Variants in DHRS9 observed in about 807,000 individuals in gnomAD.
DHRS9 encodes dehydrogenase/reductase SDR family member 9.
In DHRS9, 18 loss-of-function variants were observed where a neutral mutation model predicts 26.6. That is an observed-to-expected ratio of 0.68 (90% confidence interval 0.47 to 1.00). DHRS9 has a LOEUF of 1.00. Among genes scored for constraint, DHRS9 ranks in the 50% least tolerant of loss-of-function variants. The pLI, the probability that DHRS9 is intolerant of heterozygous loss-of-function variation, is 0.00. For synonymous variants in DHRS9, 134 were observed against 141.1 expected (o/e 0.95, Z 0.36); for missense variants, 425 against 378.7 (o/e 1.12, Z -1.01).
At chr2:169,093,857 G>C (rs6724801) in intron 4 of DHRS9, among the ~76,000 whole-genome samples, 2,807 of 152,264 alleles carry the variant, frequency 0.018, 84 homozygotes, top group African/African-American at 0.064. Flanking sequence ...AGACTTATTA[G>C]GTTCTTTGAA....
chr2:169,084,489 T>A (rs1244155137), intron 3 of DHRS9, among the ~76,000 whole-genome samples: 2 of 152,292 alleles, frequency 1.3e-5, no homozygotes, highest in South Asian at 4.1e-4. Flanking sequence ...TCTCACATCA[T>A]CATCAGCATT....
At chr2:169,067,274 G>A (rs1336365382), upstream of DHRS9, 1 of 1,535,140 alleles carries the variant, frequency 6.5e-7, no homozygotes, top group Admixed American at 2.0e-5. Context: ...TGGAGTAAGT[G>A]CTTTCCTCCA....
intron 1 of DHRS9, among the ~76,000 whole-genome samples, chr2:169,073,865 C>T (rs1317449535): frequency 6.6e-6 from 1 of 152,010 alleles, no homozygotes; most frequent in Non-Finnish European, 1.5e-5. Context: ...TTCTGGACTC[C>T]CAACACTAGG....
chr2:169,092,033 T>C (rs942552303), intron 4 of DHRS9, 80 bp downstream of exon 4: 3 of 1,474,346 alleles, frequency 2.0e-6, no homozygotes, highest in Non-Finnish European at 2.7e-6. Context: ...ACAGATGAAA[T>C]AACAAGGTTC....
intron 1 of DHRS9, 28 bp from the exon 2 acceptor site, chr2:169,081,495 A>G (rs1406671773): frequency 6.6e-7 from 1 of 1,526,022 alleles, no homozygotes; most frequent in Non-Finnish European, 8.8e-7. Flanking sequence ...TTCTAATTTG[A>G]ATTTTCTTTT....
chr2:169,078,808 CAACT>C (rs1558950863), intron 1 of DHRS9, among the ~76,000 whole-genome samples: 1 of 131,952 alleles, frequency 7.6e-6, no homozygotes, highest in Non-Finnish European at 1.6e-5. Context: ...TAATTTTTAT[CAACT>C]GACTTTTTTT....
At chr2:169,092,298 G>A (rs1684554677) in intron 4 of DHRS9, among the ~76,000 whole-genome samples, 2 of 152,178 alleles carry the variant, frequency 1.3e-5, no homozygotes, top group East Asian at 3.8e-4. Context: ...GCCCAGGAAG[G>A]CAAGTCGAGC....
intron 4 of DHRS9, among the ~76,000 whole-genome samples, chr2:169,092,228 G>T (rs773846671): frequency 6.6e-6 from 1 of 152,184 alleles, no homozygotes; most frequent in African/African-American, 2.4e-5. Flanking sequence ...GCAGAGGCTT[G>T]AGAAAGTGAA....
intron 1 of DHRS9, among the ~76,000 whole-genome samples, chr2:169,076,238 G>C (rs1683958926): frequency 6.6e-6 from 1 of 152,100 alleles, no homozygotes; most frequent in African/African-American, 2.4e-5. Flanking sequence ...TATTGGCTTT[G>C]ATGCTCAAAT....
intron 1 of DHRS9, chr2:169,074,239 T>G (rs1273362060): frequency 2.0e-6 from 2 of 980,300 alleles, no homozygotes; most frequent in Non-Finnish European, 2.4e-6. Flanking sequence ...GTAGATGTTG[T>G]ATTTCTACTT....
chr2:169,089,919 T>C (rs377379505), intron 3 of DHRS9, among the ~76,000 whole-genome samples: 3 of 152,170 alleles, frequency 2.0e-5, no homozygotes, highest in Non-Finnish European at 4.4e-5. Flanking sequence ...AAAACCTCCA[T>C]TGGTCTCTTT....
chr2:169,083,687 C>T lies in DHRS9; in HGVS notation c.572+100C>T, dbSNP rs564599477. On this transcript the variant is annotated intron_variant, in intron 3 of 4. Coordinates refer to ENST00000674881, the MANE Select transcript of DHRS9 (RefSeq NM_001376924.1). ...TATTTAGTACCTTTCAAAAAGTCTA[C>T]CATATTTATCTCTAATTTTTGTGGG... 5.1e-6 allele frequency: 7 copies of T among 1,373,560 alleles called. No individual in the cohort carries two copies. In the South Asian group the frequency reaches 5.8e-5, roughly 11 times the overall value. The allele number at this position is 1,373,560 out of a possible 1,614,324, so 85.1% of individuals were successfully genotyped here. A position where few individuals can be genotyped will look rare whatever the true frequency, so the allele number is the denominator to read the frequency against.
intron 3 of DHRS9, among the ~76,000 whole-genome samples, chr2:169,091,409 G>A (rs1684521336): frequency 6.6e-6 from 1 of 152,156 alleles, no homozygotes; most frequent in African/African-American, 2.4e-5. Flanking sequence ...TAGAATGGAG[G>A]TGAACTTGTC....
intron 1 of DHRS9, among the ~76,000 whole-genome samples, chr2:169,078,906 C>T (rs1251242922): frequency 6.8e-6 from 1 of 148,086 alleles, no homozygotes; most frequent in African/African-American, 2.5e-5. Flanking sequence ...TCACTACAAC[C>T]TCCACCTTCT....
At chr2:169,079,842 C>T (rs1475972452) in intron 1 of DHRS9, among the ~76,000 whole-genome samples, 1 of 140,544 alleles carries the variant, frequency 7.1e-6, no homozygotes, top group East Asian at 2.2e-4. Context: ...GCCTGGGCGA[C>T]AACAGCGAAA....
At chr2:169,091,659 A>G (rs1684530871) in intron 3 of DHRS9, 131 bp from the exon 4 acceptor site, 2 of 1,021,644 alleles carry the variant, frequency 2.0e-6, no homozygotes, top group Non-Finnish European at 2.8e-6. Context: ...GGGAGAGAGA[A>G]TAAGATATTT....
chr2:169,071,085 CA>C (rs1426778295), intron 1 of DHRS9, among the ~76,000 whole-genome samples: 4 of 148,170 alleles, frequency 2.7e-5, no homozygotes, highest in Non-Finnish European at 6.0e-5. Flanking sequence ...ACAACAACAA[CA>C]AAAAACTCAG....
chr2:169,081,279 C>T, intron 1 of DHRS9: 1 of 784,896 alleles, frequency 1.3e-6, no homozygotes, highest in Non-Finnish European at 1.7e-6. Flanking sequence ...TGCCATGGCT[C>T]CCCTCTCCCT....
At chr2:169,072,268 C>G (rs1163264768) in intron 1 of DHRS9, among the ~76,000 whole-genome samples, 4 of 152,132 alleles carry the variant, frequency 2.6e-5, no homozygotes, top group Non-Finnish European at 5.9e-5. Context: ...GTTGATTCAA[C>G]TTGGGCCACA....
Sources: allele counts gnomAD v4.1 joint callset (sites outside exome capture counted in the v4.1 genomes callset), GRCh38; gene constraint gnomAD v4.1.1; transcripts MANE v1.5; gene names NCBI Gene and HGNC (gene_info 2026-07-23, HGNC 2026-07-21).